The following ARK2N variants were observed in gnomAD, a reference collection of about 807,000 sequenced individuals.
ARK2N encodes the protein protein ARK2N.
At chr18:46,233,284 T>A in the ARK2N span, among the ~76,000 whole-genome samples, 1 of 152,198 alleles carries the variant, frequency 6.6e-6, no homozygotes, top group African/African-American at 2.4e-5. Context: ...GATGACTCTT[T>A]AGCAGGGTAC....
chr18:46,192,835 C>T, the ARK2N span, among the ~76,000 whole-genome samples: 287 of 145,758 alleles, frequency 2.0e-3, 2 homozygotes, highest in Middle Eastern at 0.021. Flanking sequence ...CTCCCAAAGT[C>T]TTGGGATTAC....
the ARK2N span, chr18:46,215,896 G>A: frequency 6.2e-7 from 1 of 1,611,780 alleles, no homozygotes; most frequent in Non-Finnish European, 8.5e-7. Flanking sequence ...GATGGAGGAG[G>A]CAGTGGGAAA....
the ARK2N span, among the ~76,000 whole-genome samples, chr18:46,256,133 T>C: frequency 2.0e-5 from 3 of 152,256 alleles, no homozygotes; most frequent in Non-Finnish European, 4.4e-5. Flanking sequence ...GCCAGGGACA[T>C]ATTATTCATT....
At chr18:46,209,159 C>T in the ARK2N span, among the ~76,000 whole-genome samples, 12 of 152,168 alleles carry the variant, frequency 7.9e-5, no homozygotes, top group Non-Finnish European at 1.3e-4. Flanking sequence ...CACATTTTCC[C>T]TCTTAAGTTT....
chr18:46,217,354 A>C, the ARK2N span: 2 of 152,252 alleles, frequency 1.3e-5, no homozygotes, highest in Non-Finnish European at 2.9e-5. Context: ...AGTGGAAGAA[A>C]GATGTATCTG....
the ARK2N span, among the ~76,000 whole-genome samples, chr18:46,203,661 G>A: frequency 6.6e-5 from 10 of 152,044 alleles, no homozygotes; most frequent in Admixed American, 4.6e-4. Flanking sequence ...GCAAGGACAC[G>A]ATCTCAGCCT....
At chr18:46,264,735 CTTT>C in the ARK2N span, 5 of 133,222 alleles carry the variant, frequency 3.8e-5, no homozygotes, top group Admixed American at 7.8e-5. Context: ...TCATCTTCTT[CTTT>C]TTTTTTTTTT....
the ARK2N span, among the ~76,000 whole-genome samples, chr18:46,201,572 A>G: frequency 2.0e-5 from 3 of 151,990 alleles, no homozygotes; most frequent in African/African-American, 4.8e-5. Flanking sequence ...TGTAAATTTG[A>G]ATTCTAGATC....
the ARK2N span, among the ~76,000 whole-genome samples, chr18:46,203,254 G>C: frequency 6.6e-6 from 1 of 152,190 alleles, no homozygotes; most frequent in Non-Finnish European, 1.5e-5. Flanking sequence ...TCTATCAAGA[G>C]TAGAATGGAT....
the ARK2N span, among the ~76,000 whole-genome samples, chr18:46,200,077 T>A: frequency 6.6e-6 from 1 of 150,828 alleles, no homozygotes; most frequent in African/African-American, 2.5e-5. Context: ...TGTGTGTGTG[T>A]GTGTGTGTGT....
chr18:46,186,387 G>A, the ARK2N span, among the ~76,000 whole-genome samples: 2 of 151,676 alleles, frequency 1.3e-5, no homozygotes, highest in Admixed American at 6.6e-5. Flanking sequence ...GTAGAGATTG[G>A]GTTTCACCAT....
the ARK2N span, among the ~76,000 whole-genome samples, chr18:46,239,814 C>T: frequency 6.6e-6 from 1 of 152,118 alleles, no homozygotes; most frequent in African/African-American, 2.4e-5. Context: ...CAAAATGTGT[C>T]CATCATCTTT....
the ARK2N span, among the ~76,000 whole-genome samples, chr18:46,257,760 T>A: frequency 6.6e-6 from 1 of 151,994 alleles, no homozygotes; most frequent in African/African-American, 2.4e-5. Flanking sequence ...CACAGATCTG[T>A]ATGTTATGGA....
chr18:46,192,339 T>C, the ARK2N span, among the ~76,000 whole-genome samples: 1 of 151,944 alleles, frequency 6.6e-6, no homozygotes, highest in Non-Finnish European at 1.5e-5. Flanking sequence ...TATGGGAGGC[T>C]AAGGTGGGCA....
chr18:46,248,350 A>G, the ARK2N span, among the ~76,000 whole-genome samples: 4 of 152,224 alleles, frequency 2.6e-5, no homozygotes, highest in Non-Finnish European at 5.9e-5. Context: ...TTGGCATTCC[A>G]GAAGGTAAAG....
the ARK2N span, among the ~76,000 whole-genome samples, chr18:46,224,266 G>C: frequency 6.6e-6 from 1 of 152,090 alleles, no homozygotes; most frequent in Non-Finnish European, 1.5e-5. Flanking sequence ...ATTTTTTTGT[G>C]TGTGTGTATG....
chr18:46,175,656 C>G, the ARK2N span, among the ~76,000 whole-genome samples: 1 of 151,828 alleles, frequency 6.6e-6, no homozygotes, highest in African/African-American at 2.4e-5. Context: ...GCACGCGCCA[C>G]CACGCCCAGC....
chr18:46,196,874 ATTCTTT>A, the ARK2N span, among the ~76,000 whole-genome samples: 1 of 152,258 alleles, frequency 6.6e-6, no homozygotes, highest in South Asian at 2.1e-4. Context: ...GAAACCTCAG[ATTCTTT>A]CCATTTGAAC....
chr18:46,259,725 C>T, the ARK2N span, among the ~76,000 whole-genome samples: 1 of 146,492 alleles, frequency 6.8e-6, no homozygotes, highest in Admixed American at 7.0e-5. Flanking sequence ...CCCACCTCAG[C>T]CTTCCGAGTA....
Sources: gnomAD v4.1 joint callset for allele counts (sites outside exome capture counted in the v4.1 genomes callset) on GRCh38, gnomAD v4.1.1 for gene constraint, MANE v1.5 for transcripts, NCBI Gene and HGNC (gene_info 2026-07-23, HGNC 2026-07-21) for gene names.